The following KLF8 variants were observed in gnomAD, a reference collection of about 807,000 sequenced individuals.
The protein encoded by KLF8 is KLF transcription factor 8.
In KLF8, 10 loss-of-function variants were observed where a neutral mutation model predicts 18.2. That is an observed-to-expected ratio of 0.55 (90% CI 0.34 to 0.93). KLF8 has a LOEUF of 0.93. Ranked by LOEUF, KLF8 falls within the 40% of genes least tolerant of loss-of-function variation. The pLI is 0.02. For synonymous variants in KLF8, 109 were observed against 97.3 expected, an observed-to-expected ratio of 1.12 and a Z score of -0.71; for missense variants, 264 against 277.9, an observed-to-expected ratio of 0.95 and a Z score of 0.36.
the KLF8 span, among the ~76,000 whole-genome samples, chrX:55,964,894 C>A: frequency 1.8e-5 from 2 of 111,354 alleles, 1 homozygote; most frequent in Middle Eastern, 9.3e-3. Context: ...AAAGACTTCC[C>A]AAATTGAATC....
the KLF8 span, among the ~76,000 whole-genome samples, chrX:56,208,573 G>T: frequency 9.0e-6 from 1 of 110,624 alleles, no homozygotes; most frequent in Non-Finnish European, 1.9e-5. Context: ...TTTATTTGAA[G>T]ATTTTCTTGT....
the KLF8 span, among the ~76,000 whole-genome samples, chrX:56,125,998 T>C: frequency 8.9e-6 from 1 of 112,305 alleles, no homozygotes; most frequent in African/African-American, 3.2e-5. Flanking sequence ...GATTTTGTTT[T>C]TGTAGTTTTG....
the KLF8 span, among the ~76,000 whole-genome samples, chrX:55,976,028 G>T: frequency 9.0e-6 from 1 of 111,630 alleles, no homozygotes; most frequent in Non-Finnish European, 1.9e-5. Context: ...AGAATCGCTT[G>T]AACCTGGGAG....
At chrX:56,123,099 A>G in the KLF8 span, among the ~76,000 whole-genome samples, 3 of 110,651 alleles carry the variant, frequency 2.7e-5, no homozygotes, top group Non-Finnish European at 5.7e-5. Flanking sequence ...TGACATCTCC[A>G]GTGTCTTGGA....
At chrX:55,986,299 G>A in the KLF8 span, among the ~76,000 whole-genome samples, 3 of 111,836 alleles carry the variant, frequency 2.7e-5, no homozygotes, top group East Asian at 8.4e-4. Flanking sequence ...TTATAAATTT[G>A]AGATATGTTC....
the KLF8 span, among the ~76,000 whole-genome samples, chrX:55,946,790 G>GA: frequency 2.7e-4 from 30 of 110,290 alleles, no homozygotes; most frequent in Non-Finnish European, 5.1e-4. Context: ...AAATTTACAA[G>GA]AAAAAAACAA....
At chrX:55,987,149 G>T in the KLF8 span, among the ~76,000 whole-genome samples, 1 of 105,937 alleles carries the variant, frequency 9.4e-6, no homozygotes, top group East Asian at 3.0e-4. Flanking sequence ...TAATGAGGCT[G>T]CTGGGTCAAA....
At chrX:56,168,264 A>G in the KLF8 span, among the ~76,000 whole-genome samples, 1 of 112,181 alleles carries the variant, frequency 8.9e-6, no homozygotes, top group African/African-American at 3.2e-5. Flanking sequence ...CACACTAACA[A>G]TGAACTATCC....
At chrX:55,996,841 G>A in the KLF8 span, among the ~76,000 whole-genome samples, 1 of 112,163 alleles carries the variant, frequency 8.9e-6, no homozygotes, top group African/African-American at 3.2e-5. Context: ...ACATCTGTTG[G>A]CAGCAGTGGC....
At chrX:55,930,893 C>G in the KLF8 span, among the ~76,000 whole-genome samples, 1 of 111,812 alleles carries the variant, frequency 8.9e-6, no homozygotes, top group Middle Eastern at 4.2e-3. Flanking sequence ...ATGATGCTGG[C>G]CTCATAAAAT....
At chrX:56,171,701 C>T in the KLF8 span, among the ~76,000 whole-genome samples, 4 of 111,811 alleles carry the variant, frequency 3.6e-5, no homozygotes, top group African/African-American at 9.8e-5. Context: ...AGGACATGAA[C>T]TCATCCTTTT....
At position 56,265,385 on chromosome X, in the gene KLF8, C is replaced by T; in HGVS notation, c.287C>T (p.Ala96Val). The change falls in exon 3 of 6, where the codon GCT becomes GTT. Residue 96 changes from alanine (A) to valine (V), a missense_variant. Physicochemically the swap from Ala to Val is moderately conservative, Grantham distance 64. Transcript: ENST00000468660. ...GACCTCTCCTTTCACAAGCCCAAGG[C>T]TCCTCTCCAGCCTGCTAGCATGCTA... ...PVDLSFHKPK[A>V]PLQPASMLQA... is the part of the protein sequence containing the mutation. 8.3e-7 allele frequency: 1 copy of T among 1,211,187 alleles called. No homozygotes were observed. The highest frequency in any genetic ancestry group is 1.1e-6 in the Non-Finnish European group (1 of 895,262).
the KLF8 span, among the ~76,000 whole-genome samples, chrX:55,914,284 A>T: frequency 8.9e-6 from 1 of 111,871 alleles, no homozygotes; most frequent in East Asian, 2.8e-4. Flanking sequence ...TGTTCAATAT[A>T]TATGCCATGA....
chrX:56,101,174 A>C, the KLF8 span, among the ~76,000 whole-genome samples: 5 of 111,679 alleles, frequency 4.5e-5, no homozygotes, highest in African/African-American at 9.7e-5. Flanking sequence ...CTTTATGTGC[A>C]TGTGTACTCA....
chrX:56,097,822 T>TA, the KLF8 span, among the ~76,000 whole-genome samples: 1 of 107,755 alleles, frequency 9.3e-6, no homozygotes, highest in Non-Finnish European at 1.9e-5. Flanking sequence ...AAAGTGGATC[T>TA]AAAAAAACCC....
the KLF8 span, among the ~76,000 whole-genome samples, chrX:56,054,162 C>G: frequency 9.0e-6 from 1 of 110,591 alleles, no homozygotes. Flanking sequence ...CACGGAGTCT[C>G]TCTCTGTCGC....
the KLF8 span, among the ~76,000 whole-genome samples, chrX:56,134,552 C>T: frequency 5.7e-4 from 64 of 111,743 alleles, no homozygotes; most frequent in Non-Finnish European, 7.9e-4. Flanking sequence ...AAACTATAAA[C>T]ATTCTAGAAG....
At chrX:56,205,330 G>A in the KLF8 span, among the ~76,000 whole-genome samples, 11 of 111,848 alleles carry the variant, frequency 9.8e-5, no homozygotes, top group East Asian at 2.5e-3. Flanking sequence ...GTTCATCACT[G>A]CATTTCATTA....
the KLF8 span, among the ~76,000 whole-genome samples, chrX:55,986,302 A>G: frequency 8.9e-6 from 1 of 111,894 alleles, no homozygotes; most frequent in African/African-American, 3.2e-5. Flanking sequence ...TAAATTTGAG[A>G]TATGTTCTTT....
Sources: gnomAD v4.1 joint callset for allele counts (sites outside exome capture counted in the v4.1 genomes callset) on GRCh38, gnomAD v4.1.1 for gene constraint, MANE v1.5 for transcripts, NCBI Gene and HGNC (gene_info 2026-07-23, HGNC 2026-07-21) for gene names.